LRBA: variants seen among roughly 807,000 people sequenced by gnomAD.
LRBA encodes lipopolysaccharide-responsive and beige-like anchor protein.
LRBA carries 176 observed loss-of-function variants against 330.0 expected under a neutral mutation model. The observed-to-expected ratio is 0.53, with a 90% CI of 0.47 to 0.60. The LOEUF (loss-of-function observed/expected upper bound fraction) is 0.60. Ranked by LOEUF, LRBA falls within the 20% of genes least tolerant of loss-of-function variation. The probability of loss-of-function intolerance (pLI) is 0.00; values close to 1 mark genes in which losing one functional copy is unlikely to be tolerated. For missense variants in LRBA, 3,259 were observed against 3,444.8 expected, an observed-to-expected ratio of 0.95 and a Z score of 1.35; for synonymous variants, 1,230 against 1,193.0, an observed-to-expected ratio of 1.03 and a Z score of -0.64.
At chr4:150,926,987 C>T (rs570611135) in intron 4 of LRBA, among the ~76,000 whole-genome samples, 50 of 151,604 alleles carry the variant, frequency 3.3e-4, no homozygotes, top group African/African-American at 1.2e-3. Flanking sequence ...AGGAGAATTG[C>T]TTGAACCCAG....
Position 150,572,167 on chromosome 4 carries a change from A to T in LRBA, c.6330+15881T>A, listed in dbSNP as rs193076718. On this transcript the variant is annotated intron_variant, in intron 40 of 56. Coordinates refer to ENST00000651943, the MANE Select transcript of LRBA (RefSeq NM_001364905.1). ...CAAAAATCAACATTATTTCTTTGTA[A>T]ATCAGAAGCAAGTACAATTCATCAA... Among the ~76,000 whole-genome samples the T allele has an allele frequency of 5.3e-4, 81 of 152,236 alleles. No homozygotes were observed. In the South Asian group the frequency reaches 5.4e-3, roughly 10 times the overall value.
chr4:150,911,621 T>A (rs1264775898), intron 9 of LRBA, among the ~76,000 whole-genome samples: 1 of 152,216 alleles, frequency 6.6e-6, no homozygotes, highest in Non-Finnish European at 1.5e-5. Flanking sequence ...GATTTTTCCA[T>A]CAATATTCAT....
At chr4:150,943,505 C>G (rs902646570) in intron 2 of LRBA, among the ~76,000 whole-genome samples, 5 of 152,086 alleles carry the variant, frequency 3.3e-5, no homozygotes, top group African/African-American at 1.2e-4. Flanking sequence ...CACCCAGACC[C>G]CTAAATCCAT....
At chr4:151,012,387 T>C (rs753510165) in intron 2 of LRBA, among the ~76,000 whole-genome samples, 10 of 152,228 alleles carry the variant, frequency 6.6e-5, no homozygotes, top group Non-Finnish European at 1.5e-4. Context: ...CCAAAAGATG[T>C]TGTGTCTTCA....
chr4:150,633,713 G>A lies in LRBA; in HGVS notation c.5922-34582C>T, dbSNP rs549351353. Among the ~76,000 whole-genome samples, 14 of 152,232 alleles carry A rather than the reference G, an allele frequency of 9.2e-5. No homozygotes were observed. In the East Asian group the frequency reaches 1.7e-3, roughly 19 times the overall value. On this transcript the variant is annotated intron_variant, in intron 37 of 56. Coordinates refer to ENST00000651943, the MANE Select transcript of LRBA (RefSeq NM_001364905.1). ...GCACCCAATATGGCCATAAGGCCTC[G>A]TGTAATCTGGCTACTATCAATATCT... is the stretch of plus-strand genomic sequence containing the variant.
chr4:150,635,311 A>T (rs534428686), intron 37 of LRBA, among the ~76,000 whole-genome samples: 8 of 152,350 alleles, frequency 5.3e-5, no homozygotes, highest in African/African-American at 1.9e-4. Context: ...GATTTTTCTC[A>T]TAAGACTGCG....
chr4:150,490,129 G>T (rs1016720535), intron 41 of LRBA, among the ~76,000 whole-genome samples: 2 of 151,660 alleles, frequency 1.3e-5, no homozygotes, highest in Admixed American at 1.3e-4. Flanking sequence ...GATCAAACAG[G>T]AAGGGAAAAA....
chr4:150,303,322 T>C (rs930782557), intron 52 of LRBA, among the ~76,000 whole-genome samples: 1 of 152,202 alleles, frequency 6.6e-6, no homozygotes, highest in Non-Finnish European at 1.5e-5. Context: ...GCTTCTACCT[T>C]TTCAAATCAG....
At chr4:150,341,156 T>C (rs1038047839) in intron 48 of LRBA, among the ~76,000 whole-genome samples, 2 of 151,848 alleles carry the variant, frequency 1.3e-5, no homozygotes, top group African/African-American at 2.4e-5. Flanking sequence ...GTTTTAGAGA[T>C]CTCACCAGCC....
intron 2 of LRBA, among the ~76,000 whole-genome samples, chr4:150,930,707 T>C (rs1148643): frequency 1.3e-5 from 2 of 152,192 alleles, no homozygotes; most frequent in African/African-American, 4.8e-5. Flanking sequence ...TGTGAGGATC[T>C]GTACCTGCAT....
intron 35 of LRBA, among the ~76,000 whole-genome samples, chr4:150,760,277 T>A (rs973191463): frequency 6.6e-6 from 1 of 152,190 alleles, no homozygotes; most frequent in African/African-American, 2.4e-5. Flanking sequence ...TATGAATTAG[T>A]AATCACTGAT....
chr4:150,495,442 C>G (rs929761122), intron 40 of LRBA, among the ~76,000 whole-genome samples: 2 of 152,034 alleles, frequency 1.3e-5, no homozygotes, highest in Admixed American at 1.3e-4. Context: ...AAATTAAAAT[C>G]TTACCAAAAA....
chr4:150,431,302 C>G (rs1399864541), intron 46 of LRBA, among the ~76,000 whole-genome samples: 1 of 152,134 alleles, frequency 6.6e-6, no homozygotes, highest in Non-Finnish European at 1.5e-5. Context: ...CAGATTGTTG[C>G]TACTAATTGT....
intron 42 of LRBA, among the ~76,000 whole-genome samples, chr4:150,481,119 A>C (rs970525547): frequency 6.6e-6 from 1 of 152,142 alleles, no homozygotes; most frequent in African/African-American, 2.4e-5. Flanking sequence ...GGCTTATTTC[A>C]CTTAATATAA....
At chr4:150,964,060 C>A (rs1021105673) in intron 2 of LRBA, among the ~76,000 whole-genome samples, 1 of 148,500 alleles carries the variant, frequency 6.7e-6, no homozygotes, top group Admixed American at 6.6e-5. Context: ...AGCCCCTCCG[C>A]CCGGCAGCCT....
intron 2 of LRBA, among the ~76,000 whole-genome samples, chr4:150,930,647 C>T (rs2149511639): frequency 6.6e-6 from 1 of 152,244 alleles, no homozygotes; most frequent in East Asian, 1.9e-4. Context: ...ATCCCAGGTT[C>T]TGACAAAAAT....
At chr4:150,446,653 C>T (rs1368454242) in intron 44 of LRBA, among the ~76,000 whole-genome samples, 1 of 152,146 alleles carries the variant, frequency 6.6e-6, no homozygotes, top group Admixed American at 6.5e-5. Context: ...TAGTCCAGTC[C>T]CTGTATATTC....
intron 37 of LRBA, among the ~76,000 whole-genome samples, chr4:150,643,883 C>A (rs1209387431): frequency 6.6e-6 from 1 of 151,848 alleles, no homozygotes; most frequent in Non-Finnish European, 1.5e-5. Flanking sequence ...CAGAGCCATA[C>A]TCATTTGTCT....
chr4:150,655,800 T>C (rs1780125551), intron 37 of LRBA, among the ~76,000 whole-genome samples: 2 of 152,248 alleles, frequency 1.3e-5, no homozygotes, highest in Admixed American at 1.3e-4. Context: ...AAAGTTTTCA[T>C]ATGATTTTAA....
Sources: allele counts gnomAD v4.1 joint callset (sites outside exome capture counted in the v4.1 genomes callset), GRCh38; gene constraint gnomAD v4.1.1; transcripts MANE v1.5; gene names NCBI Gene and HGNC (gene_info 2026-07-23, HGNC 2026-07-21).